DUOX2: variants seen among roughly 807,000 people sequenced by gnomAD.
DUOX2 encodes NADH/NADPH thyroid oxidase p138-tox.
Under a neutral mutation model 183.3 loss-of-function variants are expected in DUOX2, and 185 were observed. That is an observed-to-expected ratio of 1.01 (90% CI 0.90 to 1.14). DUOX2 has a LOEUF of 1.14. DUOX2 is among the 50% of genes most tolerant of loss of function. DUOX2 has a pLI of 0.00. For synonymous variants in DUOX2, 788 were observed against 812.4 expected (o/e 0.97, Z 0.51); for missense variants, 1,999 against 2,022.9 (o/e 0.99, Z 0.23).
chr15:45,113,278 C>T, intron 2 of DUOX2, 64 bp downstream of exon 2: 1 of 1,537,146 alleles, frequency 6.5e-7, no homozygotes, highest in Non-Finnish European at 8.8e-7. Context: ...TGCCGCACCT[C>T]TCCCCGCCCC....
Position 45,104,032 on chromosome 15 carries a change from C to G in DUOX2, c.2582G>C (p.Arg861Pro). The G allele has an allele frequency of 6.2e-7, 1 of 1,614,120 alleles. No homozygotes were observed. Among genetic ancestry groups the G allele is most frequent in the Non-Finnish European group, 8.5e-7 (1 of 1,180,022 alleles). Residue 861 changes from arginine to proline, a missense_variant, in exon 20 of 34, where the codon CGT becomes CCT. This residue lies in a region of DUOX2 where 1,628 missense variants were observed against 1,608.6 expected (regional missense o/e 1.01). Coordinates refer to ENST00000389039, the MANE Select transcript of DUOX2 (RefSeq NM_001363711.2). ...CAGGTCATACATGGTAAACATTAGA[C>G]GGGACTTATCCTCTGGGGAGCCTGG... ...FMKGSPEDKS[R>P]LMFTMYDLDE...
chr15:45,094,314 G>A (rs1389239748), intron 33 of DUOX2, 42 bp from the exon 34 acceptor site: 11 of 1,613,594 alleles, frequency 6.8e-6, no homozygotes, highest in Non-Finnish European at 9.3e-6. Context: ...GCAGCCTAAA[G>A]GTGCTCACTC....
rs764168473 is a variant in DUOX2, at chr15:45,100,864, T to C, written c.2922-26A>G. 6 of 1,528,286 alleles carry C rather than the reference T, an allele frequency of 3.9e-6. No homozygotes were observed. In the South Asian group the frequency reaches 6.7e-5, roughly 17 times the overall value. 94.7% of individuals were successfully genotyped at this position (1,528,286 alleles called of 1,614,324 possible). A position where few individuals can be genotyped will look rare whatever the true frequency, so the allele number is the denominator to read the frequency against. The stretch of plus-strand genomic sequence containing the variant: ...CTGAGAAAAAGAAATGGGGCTGTTC[T>C]CCCCTTGTCTTTGCAGCCAGGAGAA... On this transcript the variant is annotated intron_variant, in intron 22 of 33. Coordinates refer to ENST00000389039, the MANE Select transcript of DUOX2 (RefSeq NM_001363711.2).
Position 45,098,083 on chromosome 15 carries a change from C to A in DUOX2, c.3516-25G>T. On this transcript the variant is annotated intron_variant, in intron 26 of 33. Transcript: ENST00000389039. ...CCTGGGGGGCAAAGGCACCTTGAGCCTCTGACTGGGGCAGGAGGGGCTCCA... is the reference window on the plus strand; with the variant it reads ...CCTGGGGGGCAAAGGCACCTTGAGCATCTGACTGGGGCAGGAGGGGCTCCA... 4 of 1,612,760 alleles carry A rather than the reference C, an allele frequency of 2.5e-6. 1 individual carries two copies. In the South Asian group the frequency reaches 4.4e-5, roughly 18 times the overall value.
In DUOX2 at chr15:45,109,588, C is replaced by T. The variant is rs1314339913; in HGVS notation, c.1170G>A (p.Leu390=). ...NLNSTQEVNE[L]LLGMASQISE... Reference sequence around the variant, plus strand: ...AAATCTGGGAGGCCATTCCCAGCAGCAGCTCATTCACCTCCTGGGTACTGT... The same window carrying T: ...AAATCTGGGAGGCCATTCCCAGCAGTAGCTCATTCACCTCCTGGGTACTGT... The change falls in exon 11 of 34, where the codon CTG becomes CTA. Residue 390 remains leucine, a synonymous_variant. Coordinates refer to ENST00000389039, the MANE Select transcript of DUOX2 (RefSeq NM_001363711.2). 1 of 1,614,158 alleles carries T rather than the reference C, an allele frequency of 6.2e-7. No individual in the cohort carries two copies. The highest frequency in any genetic ancestry group is 8.5e-7 in the Non-Finnish European group (1 of 1,180,036).
In DUOX2 at chr15:45,099,499, C is replaced by CT; in HGVS notation, c.3416-18dup. ...TGTGCAAAACTGGAAGAGACAGACC[C>CT]TGTTAGAGATGCCAACCAGGACAGA... is the stretch of plus-strand genomic sequence containing the variant. On this transcript the variant is annotated splice_polypyrimidine_tract_variant and intron_variant, in intron 25 of 33. Transcript: ENST00000389039. 1 of 1,612,460 alleles carries CT rather than the reference C, an allele frequency of 6.2e-7. No homozygotes were observed. The highest frequency in any genetic ancestry group is 8.5e-7 in the Non-Finnish European group (1 of 1,179,066).
rs2467827 is a variant in DUOX2 at position 45,111,501 on chromosome 15, C to G, written c.598G>C (p.Gly200Arg). Residue 200 changes from glycine to arginine, a missense_variant, in exon 6 of 34, where the codon GGG becomes CGG. This residue lies in a region of DUOX2 where 356 missense variants were observed against 356.4 expected (regional missense o/e 1.00). Transcript: ENST00000389039. Reference sequence around the variant, plus strand: ...TCGGGCCCCGACGCCAGCTGTCCCCCCGAGAAGCTCCGCAGCGCGTCGCTC... The same window carrying G: ...TCGGGCCCCGACGCCAGCTGTCCCCGCGAGAAGCTCCGCAGCGCGTCGCTC... ...SWSDALRSFS[G>R]GQLASGPDPA... 1 of 1,551,440 alleles carries G rather than the reference C, an allele frequency of 6.4e-7. No homozygotes were observed. The highest frequency in any genetic ancestry group is 1.2e-5 in the South Asian group (1 of 84,426).
chr15:45,105,588 G>T, intron 18 of DUOX2, 55 bp downstream of exon 18: 1 of 1,609,006 alleles, frequency 6.2e-7, no homozygotes, highest in Non-Finnish European at 8.5e-7. Context: ...ATGCAGCCCA[G>T]GTTTCCTCCA....
intron 32 of DUOX2, 107 bp from the exon 33 acceptor site, chr15:45,094,798 A>C: frequency 6.3e-7 from 1 of 1,595,418 alleles, no homozygotes; most frequent in East Asian, 2.3e-5. Flanking sequence ...AGGGAGCTGG[A>C]GGCTGAGGAT....
Position 45,093,217 on chromosome 15 carries a change from G to A in DUOX2, c.*933C>T, listed in dbSNP as rs1392730826. The A allele has an allele frequency of 1.3e-5, 2 of 152,224 alleles. No individual in the cohort carries two copies. Among genetic ancestry groups the A allele is most frequent in the Non-Finnish European group, 2.9e-5 (2 of 68,064 alleles). 9.4% of individuals were successfully genotyped at this position (152,224 alleles called of 1,614,324 possible). A position where few individuals can be genotyped will look rare whatever the true frequency, so the allele number is the denominator to read the frequency against. ...GGTTTCCTGGGGCAAGAGACTTTCA[G>A]TGCTAAAACAGGGAGAGTCCTGGGC... On this transcript the variant is annotated 3_prime_UTR_variant, in exon 34 of 34. Coordinates refer to ENST00000389039, the MANE Select transcript of DUOX2 (RefSeq NM_001363711.2).
At chr15:45,098,152 C>T in intron 26 of DUOX2, 94 bp from the exon 27 acceptor site, 5 of 1,262,460 alleles carry the variant, frequency 4.0e-6, no homozygotes, top group Non-Finnish European at 5.7e-6. Context: ...CTGGCCCTGA[C>T]TGCTGAGGGT....
chr15:45,108,143 T>C lies in DUOX2; in HGVS notation c.1478A>G (p.His493Arg). The C allele has an allele frequency of 1.2e-6, 2 of 1,614,096 alleles. No homozygotes were observed. The highest frequency in any genetic ancestry group is 1.7e-6 in the Non-Finnish European group (2 of 1,179,976). Residue 493 changes from histidine (H) to arginine (R), a missense_variant, in exon 13 of 34, where the codon CAT (histidine) becomes CGT (arginine). Around this residue, in one of 3 missense-constraint regions of DUOX2, gnomAD observed 1,628 missense variants for 1,608.6 expected, o/e 1.01. Transcript: ENST00000389039. ...ACTGAACAGGGGTCCAGGGTCCCCA[T>C]GGCTCTCCAGGAGCCCCCCAAGGAG... ...ELLLGGLLES[H>R]GDPGPLFSAI...
intron 20 of DUOX2, among the ~76,000 whole-genome samples, chr15:45,102,481 G>C (rs1472699887): frequency 1.3e-5 from 2 of 152,214 alleles, no homozygotes; most frequent in East Asian, 3.8e-4. Context: ...TGCCCAACCT[G>C]ATAGCACCCA....
rs1221618841 is a variant in DUOX2, at chr15:45,113,933, T to C, written c.-15+40A>G. 6 of 197,566 alleles carry C rather than the reference T, an allele frequency of 3.0e-5. No individual in the cohort carries two copies. The East Asian group carries it at 7.0e-4, about 23-fold the overall frequency. 12.2% of individuals were successfully genotyped at this position (197,566 alleles called of 1,614,324 possible). On this transcript the variant is annotated intron_variant, in intron 1 of 33. Transcript: ENST00000389039. ...TTCTGCAATGAACGCCTGTGCATGA[T>C]GGGCGAGGGCTAGGGTCAGATCCCA...
At position 45,111,535 on chromosome 15, in the gene DUOX2, C is replaced by G; in HGVS notation, c.564G>C (p.Ser188=). Residue 188 remains serine (S), a synonymous_variant, in exon 6 of 34, where the codon TCG becomes TCC. Transcript: ENST00000389039. ...WLDGSAIYGS[S]HSWSDALRSF... is the part of the protein sequence containing the mutation. ...TCCGCAGCGCGTCGCTCCAGGAGTGCGAGGAGCCATAGATGGCGCTGCCGT... is the reference window on the plus strand; with the variant it reads ...TCCGCAGCGCGTCGCTCCAGGAGTGGGAGGAGCCATAGATGGCGCTGCCGT... The G allele has an allele frequency of 6.4e-7, 1 of 1,555,052 alleles. No homozygotes were observed. The highest frequency in any genetic ancestry group is 1.9e-5 in the Admixed American group (1 of 52,430).
chr15:45,106,928 G>A lies in DUOX2; in HGVS notation c.1735C>T (p.Leu579=). 6.3e-7 allele frequency: 1 copy of A among 1,580,816 alleles called. No individual in the cohort carries two copies. ...ACAGTCAGGGGTGCACACTGGGGCA[G>A]GCCGTCAGTTGTGAGCTGCTTAGGT... is the stretch of plus-strand genomic sequence containing the variant. ...PQPKQLTTDG[L]PQCAPLTVLD... is the part of the protein sequence containing the mutation. Residue 579 remains leucine (L), a synonymous_variant, in exon 15 of 34, where the codon CTG becomes TTG. Transcript: ENST00000389039.
rs762098987 is a variant in DUOX2, at chr15:45,104,258, G to A, written c.2442C>T (p.Ser814=). The change falls in exon 19 of 34, where the codon TCC becomes TCT. Residue 814 remains serine, a synonymous_variant. Coordinates refer to ENST00000389039, the MANE Select transcript of DUOX2 (RefSeq NM_001363711.2). ...CELSRAEFAE[S]LGLKPQDMFV... ...ACATGTCCTGGGGCTTGAGGCCCAG[G>A]GACTCGGCAAACTCGGCCCTGCTCA... 2 of 1,613,950 alleles carry A rather than the reference G, an allele frequency of 1.2e-6. No individual in the cohort carries two copies. The highest frequency in any genetic ancestry group is 1.7e-6 in the Non-Finnish European group (2 of 1,180,004).
chr15:45,113,549 G>A, intron 1 of DUOX2, 124 bp from the exon 2 acceptor site: 2 of 775,524 alleles, frequency 2.6e-6, no homozygotes, highest in Non-Finnish European at 4.3e-6. Context: ...TCCACTTCTG[G>A]AAGGTAGCTG....
intron 23 of DUOX2, 53 bp from the exon 24 acceptor site, chr15:45,100,281 C>G: frequency 6.5e-7 from 1 of 1,542,132 alleles, no homozygotes. Context: ...CTGGCCTTCC[C>G]TTAATGCCAC....
Sources: allele counts gnomAD v4.1 joint callset (sites outside exome capture counted in the v4.1 genomes callset), GRCh38; gene constraint gnomAD v4.1.1; regional missense constraint gnomAD v4.1.1; transcripts MANE v1.5; gene names NCBI Gene and HGNC (gene_info 2026-07-23, HGNC 2026-07-21).